Variants in BMP2K observed in about 807,000 individuals in gnomAD.
BMP2K encodes BMP-2-inducible protein kinase.
A neutral mutation model predicts 116.0 loss-of-function variants in BMP2K; 74 were observed. The observed-to-expected ratio is 0.64, with a 90% CI of 0.53 to 0.77. The LOEUF (loss-of-function observed/expected upper bound fraction) is 0.77, where lower values mean the gene tolerates loss of function less well. Among genes scored for constraint, BMP2K ranks in the 30% least tolerant of loss-of-function variants. BMP2K has a pLI of 0.00. For missense variants in BMP2K, 1,365 were observed against 1,403.6 expected (o/e 0.97, Z 0.44); for synonymous variants, 486 against 502.5 (o/e 0.97, Z 0.44).
chr4:78,781,852 A>G (rs1275624801), intron 1 of BMP2K, among the ~76,000 whole-genome samples: 1 of 152,116 alleles, frequency 6.6e-6, no homozygotes, highest in Non-Finnish European at 1.5e-5. Flanking sequence ...AGTACCACTG[A>G]TTTCGAGCGG....
At chr4:78,788,744 C>G (rs1469057746) in intron 1 of BMP2K, among the ~76,000 whole-genome samples, 1 of 150,622 alleles carries the variant, frequency 6.6e-6, no homozygotes, top group Non-Finnish European at 1.5e-5. Context: ...TTTTGCCTAT[C>G]CATAGGGATG....
chr4:78,796,364 C>T (rs1270019580), intron 1 of BMP2K, among the ~76,000 whole-genome samples: 1 of 124,510 alleles, frequency 8.0e-6, no homozygotes, highest in African/African-American at 3.1e-5. Context: ...GGAAGGGGAA[C>T]ATCACACTCT....
intron 1 of BMP2K, among the ~76,000 whole-genome samples, chr4:78,805,196 C>A (rs963476737): frequency 6.6e-6 from 1 of 152,156 alleles, no homozygotes; most frequent in African/African-American, 2.4e-5. Context: ...TCTTTTGGCA[C>A]CCTTGTTGAA....
At position 78,913,888 on chromosome 4, in the gene BMP2K, A is replaced by G. The variant is rs182793038; in HGVS notation, c.*1855A>G. 2.6e-3 allele frequency: 395 copies of G among 151,946 alleles called. 1 individual carries two copies. Among genetic ancestry groups the G allele is most frequent in the Non-Finnish European group, 4.5e-3 (303 of 67,928 alleles). The allele number at this position is 151,946 out of a possible 1,614,324, so 9.4% of individuals were successfully genotyped here. On this transcript the variant is annotated 3_prime_UTR_variant, in exon 16 of 16. Coordinates refer to ENST00000502613, the MANE Select transcript of BMP2K (RefSeq NM_198892.2). The stretch of plus-strand genomic sequence containing the variant: ...TTACTTGTCCTCGTGCCAAAGGCAA[A>G]TATGTTTGCACCTTTTTTTTTTTTT...
At chr4:78,866,170 AC>A (rs964033347) in intron 10 of BMP2K, among the ~76,000 whole-genome samples, 2 of 152,192 alleles carry the variant, frequency 1.3e-5, no homozygotes, top group African/African-American at 4.8e-5. Context: ...ATAAAAACTT[AC>A]CTGATTTTGA....
At chr4:78,831,393 A>G (rs545093567) in intron 2 of BMP2K, among the ~76,000 whole-genome samples, 6 of 152,274 alleles carry the variant, frequency 3.9e-5, no homozygotes, top group South Asian at 2.1e-4. Context: ...AACTTGCTCC[A>G]TGCAGGATTG....
chr4:78,811,557 C>T (rs1008764120), intron 1 of BMP2K, among the ~76,000 whole-genome samples: 2 of 152,148 alleles, frequency 1.3e-5, no homozygotes, highest in Non-Finnish European at 2.9e-5. Flanking sequence ...ATAATAGGAG[C>T]TTCTCCCTTT....
chr4:78,853,264 A>G (rs1374957409), intron 7 of BMP2K, among the ~76,000 whole-genome samples: 1 of 152,154 alleles, frequency 6.6e-6, no homozygotes, highest in Non-Finnish European at 1.5e-5. Flanking sequence ...GTTACCTAAG[A>G]ATTTGAATAT....
intron 1 of BMP2K, among the ~76,000 whole-genome samples, chr4:78,806,742 G>A (rs1337007526): frequency 6.6e-6 from 1 of 151,870 alleles, no homozygotes; most frequent in African/African-American, 2.4e-5. Flanking sequence ...TTAGCTGTGG[G>A]ATTTTTGTAG....
At position 78,871,067 on chromosome 4, in the gene BMP2K, T is replaced by C; in HGVS notation, c.1509+7T>C. 1 of 1,600,634 alleles carries C rather than the reference T, an allele frequency of 6.2e-7. No individual in the cohort carries two copies. The highest frequency in any genetic ancestry group is 8.5e-7 in the Non-Finnish European group (1 of 1,178,910). On this transcript the variant is annotated splice_region_variant and intron_variant, in intron 11 of 15. Coordinates refer to ENST00000502613, the MANE Select transcript of BMP2K (RefSeq NM_198892.2). ...AGATGCTTATATGCAGCAGGTAATT[T>C]TTTTGTTTCTTTAGATATGGAAGTA...
chr4:78,843,449 G>A (rs374649558), intron 4 of BMP2K, among the ~76,000 whole-genome samples: 1 of 151,108 alleles, frequency 6.6e-6, no homozygotes, highest in African/African-American at 2.4e-5. Context: ...TCCATTTTTA[G>A]TGATGTGTTT....
At chr4:78,797,007 A>T (rs371982178) in intron 1 of BMP2K, among the ~76,000 whole-genome samples, 1 of 152,200 alleles carries the variant, frequency 6.6e-6, no homozygotes, top group Non-Finnish European at 1.5e-5. Context: ...GGGAGTTGTG[A>T]TGAGGGGCCC....
intron 7 of BMP2K, among the ~76,000 whole-genome samples, chr4:78,854,585 A>T (rs1731411449): frequency 6.6e-6 from 1 of 151,952 alleles, no homozygotes; most frequent in African/African-American, 2.4e-5. Context: ...GTATTTATTG[A>T]CAGGATCTAG....
chr4:78,821,526 A>G (rs911099145), intron 1 of BMP2K, among the ~76,000 whole-genome samples: 1 of 152,068 alleles, frequency 6.6e-6, no homozygotes, highest in Non-Finnish European at 1.5e-5. Flanking sequence ...TTAGGACTAC[A>G]CTCACCTTTC....
rs894692282 is a variant in BMP2K, at chr4:78,776,445, G to A, written c.-99G>A. 39 of 1,063,542 alleles carry A rather than the reference G, an allele frequency of 3.7e-5. No homozygotes were observed. In the African/African-American group the frequency reaches 4.9e-4, roughly 13 times the overall value. 65.9% of individuals were successfully genotyped at this position (1,063,542 alleles called of 1,614,324 possible). A position where few individuals can be genotyped will look rare whatever the true frequency, so the allele number is the denominator to read the frequency against. On this transcript the variant is annotated 5_prime_UTR_variant, in exon 1 of 16. Transcript: ENST00000502613. ...TTGGCGGGCCGCAGCACGCTCGGAC[G>A]GGCCAGGGGCGGCGACCCCTCGCGG...
intron 15 of BMP2K, among the ~76,000 whole-genome samples, chr4:78,894,232 CAA>C (rs1327453640): frequency 6.6e-6 from 1 of 152,174 alleles, no homozygotes; most frequent in Non-Finnish European, 1.5e-5. Flanking sequence ...TAGCTCCTAA[CAA>C]GAGAGTCAGT....
intron 1 of BMP2K, among the ~76,000 whole-genome samples, chr4:78,782,581 T>C (rs891069868): frequency 1.3e-5 from 2 of 152,222 alleles, no homozygotes; most frequent in African/African-American, 4.8e-5. Context: ...CTCTGTGTTT[T>C]CTAGTTTGGT....
At chr4:78,870,643 C>G in intron 10 of BMP2K, 140 bp from the exon 11 acceptor site, 1 of 1,158,620 alleles carries the variant, frequency 8.6e-7, no homozygotes, top group Non-Finnish European at 1.2e-6. Flanking sequence ...CCTATAAACT[C>G]TATGCATATG....
Position 78,807,290 on chromosome 4 carries a change from T to A in BMP2K, c.179-18747T>A, listed in dbSNP as rs755692893. Among the ~76,000 whole-genome samples the A allele has an allele frequency of 7.6e-4, 116 of 152,324 alleles. 1 individual carries two copies. The highest frequency in any genetic ancestry group is 1.4e-3 in the Non-Finnish European group (98 of 68,030). ...ACCAACCTTGCATTCCTGGGGTAAA[T>A]CTCACTTGGTCATGGAATGTAATCT... On this transcript the variant is annotated intron_variant, in intron 1 of 15. Transcript: ENST00000502613.
Sources: allele counts gnomAD v4.1 joint callset (sites outside exome capture counted in the v4.1 genomes callset), GRCh38; gene constraint gnomAD v4.1.1; transcripts MANE v1.5; gene names NCBI Gene and HGNC (gene_info 2026-07-23, HGNC 2026-07-21).